Variants in ZC2HC1A observed in about 807,000 individuals in gnomAD.
ZC2HC1A encodes zinc finger C2HC-type containing 1A.
Under a neutral mutation model 40.7 loss-of-function variants are expected in ZC2HC1A, and 28 were observed. The observed-to-expected ratio is 0.69, with a 90% CI of 0.51 to 0.94. ZC2HC1A has a LOEUF of 0.94. Ranked by LOEUF, ZC2HC1A falls within the 40% of genes least tolerant of loss-of-function variation. The pLI is 0.00. For missense variants in ZC2HC1A, 389 were observed against 386.3 expected, an observed-to-expected ratio of 1.01 and a Z score of -0.06; for synonymous variants, 129 against 129.2, an observed-to-expected ratio of 1.00 and a Z score of 0.01.
intron 7 of ZC2HC1A, among the ~76,000 whole-genome samples, chr8:78,707,249 T>C (rs1810801773): frequency 6.6e-6 from 1 of 152,248 alleles, no homozygotes; most frequent in Admixed American, 6.5e-5. Context: ...TTTCAGTATT[T>C]CTATAGTACT....
At chr8:78,678,514 A>G in intron 2 of ZC2HC1A, 49 bp from the exon 3 acceptor site, 2 of 1,465,314 alleles carry the variant, frequency 1.4e-6, no homozygotes, top group African/African-American at 2.8e-5. Flanking sequence ...CTGTAGTCTT[A>G]CCTTCTGTAG....
intron 3 of ZC2HC1A, among the ~76,000 whole-genome samples, chr8:78,681,614 T>C (rs1257893303): frequency 6.6e-6 from 1 of 152,192 alleles, no homozygotes; most frequent in East Asian, 1.9e-4. Flanking sequence ...TTGTGTAATA[T>C]TGATGCTAGA....
Position 78,678,675 on chromosome 8 carries a change from C to T in ZC2HC1A, c.206C>T (p.Pro69Leu), listed in dbSNP as rs372195442. Residue 69 changes from proline (P) to leucine (L), a missense_variant, in exon 3 of 9, where the codon CCG becomes CTG. Pro to Leu is a moderately conservative substitution (Grantham distance 98). Transcript: ENST00000263849. ...ATTCCAACAGTAAAACCTCTCAAAC[C>T]GAGGGTAACTATATAACCTTTTGAA... ...TDIPTVKPLK[P>L]RPEPPKKPSN... 3.8e-5 allele frequency: 61 copies of T among 1,602,864 alleles called. No individual in the cohort carries two copies. Among genetic ancestry groups the T allele is most frequent in the Non-Finnish European group, 4.8e-5 (56 of 1,175,356 alleles).
At chr8:78,680,079 G>A (rs1363917287) in intron 3 of ZC2HC1A, among the ~76,000 whole-genome samples, 1 of 151,984 alleles carries the variant, frequency 6.6e-6, no homozygotes, top group Non-Finnish European at 1.5e-5. Flanking sequence ...TTATGCTTCT[G>A]TTCACTGTAA....
At chr8:78,704,481 G>A (rs1276322445) in intron 7 of ZC2HC1A, among the ~76,000 whole-genome samples, 10 of 151,768 alleles carry the variant, frequency 6.6e-5, no homozygotes, top group Admixed American at 4.6e-4. Context: ...TAGTCTGATG[G>A]GCTTTCCTTT....
At chr8:78,669,170 T>G (rs1380974898) in intron 1 of ZC2HC1A, among the ~76,000 whole-genome samples, 2 of 152,196 alleles carry the variant, frequency 1.3e-5, no homozygotes, top group Non-Finnish European at 2.9e-5. Context: ...TTTACTGCTT[T>G]TTGGTAGTGA....
At chr8:78,687,645 TTTAC>T (rs1022632858) in intron 4 of ZC2HC1A, among the ~76,000 whole-genome samples, 1 of 130,466 alleles carries the variant, frequency 7.7e-6, no homozygotes, top group African/African-American at 2.8e-5. Context: ...TATATATATA[TTTAC>T]GTAATACATT....
intron 1 of ZC2HC1A, among the ~76,000 whole-genome samples, chr8:78,668,470 G>A (rs1192236523): frequency 6.6e-6 from 1 of 152,020 alleles, no homozygotes; most frequent in Admixed American, 6.6e-5. Context: ...ATTAATCTTG[G>A]CTATAAAACA....
In ZC2HC1A at chr8:78,689,355, A is replaced by C; in HGVS notation, c.486A>C (p.Pro162=). Residue 162 remains proline (P), a synonymous_variant, in exon 5 of 9, where the codon CCA becomes CCC. Transcript: ENST00000263849. The part of the protein sequence containing the change: ...GKFSTDTKGK[P]TSRTQVYKPP... ...TTTCTACAGATACCAAAGGAAAACC[A>C]ACTTCTCGGACACAGGTGGTAAGTT... 1.3e-6 allele frequency: 2 copies of C among 1,593,308 alleles called. No individual in the cohort carries two copies. The highest frequency in any genetic ancestry group is 1.7e-4 in the Middle Eastern group (1 of 5,958).
At chr8:78,668,324 G>C (rs1156771841) in intron 1 of ZC2HC1A, among the ~76,000 whole-genome samples, 1 of 152,140 alleles carries the variant, frequency 6.6e-6, no homozygotes, top group Admixed American at 6.5e-5. Context: ...CTAGTACTTT[G>C]AAGGTGTTTA....
chr8:78,699,493 A>T (rs1328433941), intron 7 of ZC2HC1A, among the ~76,000 whole-genome samples: 1 of 152,066 alleles, frequency 6.6e-6, no homozygotes, highest in Non-Finnish European at 1.5e-5. Flanking sequence ...AAGTTCAGGG[A>T]TACAAGTGCA....
At chr8:78,698,356 T>A in intron 6 of ZC2HC1A, 58 bp from the exon 7 acceptor site, 1 of 1,364,648 alleles carries the variant, frequency 7.3e-7, no homozygotes, top group Non-Finnish European at 1.0e-6. Flanking sequence ...TGTTAGATGC[T>A]CTGTTTTATG....
Position 78,711,937 on chromosome 8 carries a change from A to G in ZC2HC1A, c.705-3284A>G, listed in dbSNP as rs894483504. ...ATAATGTCTTTTAAAAAAACTTTATATAAAGAAGCAGTAGCAATCTCCTTA... is the reference window on the plus strand; with the variant it reads ...ATAATGTCTTTTAAAAAAACTTTATGTAAAGAAGCAGTAGCAATCTCCTTA... On this transcript the variant is annotated intron_variant, in intron 7 of 8. Transcript: ENST00000263849. 7 of 1,137,274 alleles carry G rather than the reference A, an allele frequency of 6.2e-6. No individual in the cohort carries two copies. The African/African-American group carries it at 6.4e-5, about 10-fold the overall frequency. The allele number at this position is 1,137,274 out of a possible 1,614,324, so 70.4% of individuals were successfully genotyped here. A position where few individuals can be genotyped will look rare whatever the true frequency, so the allele number is the denominator to read the frequency against.
At chr8:78,687,678 CATT>C (rs1241193260) in intron 4 of ZC2HC1A, among the ~76,000 whole-genome samples, 1 of 110,506 alleles carries the variant, frequency 9.0e-6, no homozygotes, top group South Asian at 2.9e-4. Flanking sequence ...TTACGTAATA[CATT>C]ATATATATTT....
At chr8:78,675,939 G>GAAGAATT in intron 2 of ZC2HC1A, 76 bp downstream of exon 2, 1 of 1,309,762 alleles carries the variant, frequency 7.6e-7, no homozygotes, top group Non-Finnish European at 1.1e-6. Flanking sequence ...ATTCTCATGG[G>GAAGAATT]AAGAATTTAC....
chr8:78,695,441 A>G (rs754068854), intron 5 of ZC2HC1A, among the ~76,000 whole-genome samples: 2 of 152,194 alleles, frequency 1.3e-5, no homozygotes, highest in African/African-American at 4.8e-5. Context: ...ACCTCTCAAT[A>G]TGTAATAGGC....
intron 4 of ZC2HC1A, among the ~76,000 whole-genome samples, chr8:78,686,942 AG>A (rs1809999124): frequency 6.6e-6 from 1 of 152,170 alleles, no homozygotes. Flanking sequence ...GTAGTCATTC[AG>A]CAGGAGTCAT....
At chr8:78,693,935 T>A (rs1430562626) in intron 5 of ZC2HC1A, among the ~76,000 whole-genome samples, 2 of 152,204 alleles carry the variant, frequency 1.3e-5, no homozygotes, top group African/African-American at 4.8e-5. Context: ...GGATCCAGTT[T>A]CAGCTTTCTA....
At chr8:78,683,122 T>A (rs1220212703) in intron 3 of ZC2HC1A, among the ~76,000 whole-genome samples, 4 of 152,204 alleles carry the variant, frequency 2.6e-5, no homozygotes, top group African/African-American at 9.7e-5. Flanking sequence ...GCATTGAGTG[T>A]CTGCAACTTT....
Sources: allele counts gnomAD v4.1 joint callset (sites outside exome capture counted in the v4.1 genomes callset), GRCh38; gene constraint gnomAD v4.1.1; transcripts MANE v1.5; gene names NCBI Gene and HGNC (gene_info 2026-07-23, HGNC 2026-07-21).